CAMTA1: variants seen among roughly 807,000 people sequenced by gnomAD.
CAMTA1 encodes calmodulin binding transcription activator 1.
In CAMTA1, 27 loss-of-function variants were observed where a neutral mutation model predicts 170.9. The ratio of observed to expected loss-of-function variants is 0.16; its 90% confidence interval spans 0.12 to 0.22. CAMTA1 has a LOEUF of 0.22. Among genes scored for constraint, CAMTA1 ranks in the 10% least tolerant of loss-of-function variants. CAMTA1 has a pLI of 1.00. For synonymous variants in CAMTA1, 833 were observed against 891.5 expected, an observed-to-expected ratio of 0.93 and a Z score of 1.17; for missense variants, 1,619 against 2,217.2, an observed-to-expected ratio of 0.73 and a Z score of 5.42.
intron 5 of CAMTA1, among the ~76,000 whole-genome samples, chr1:7,417,745 T>C (rs2796488): frequency 0.92 from 139,276 of 152,210 alleles, 63,801 homozygotes; most frequent in East Asian, 0.99. Flanking sequence ...AATGCCTCGC[T>C]GTGCTTCGGC....
At chr1:7,369,612 C>T (rs2086279138) in intron 5 of CAMTA1, among the ~76,000 whole-genome samples, 2 of 152,006 alleles carry the variant, frequency 1.3e-5, no homozygotes, top group Admixed American at 6.6e-5. Flanking sequence ...GGACCACTAG[C>T]GTCTCCCCAC....
intron 1 of CAMTA1, among the ~76,000 whole-genome samples, chr1:6,786,194 G>A (rs1639273506): frequency 1.3e-5 from 2 of 151,950 alleles, no homozygotes; most frequent in Non-Finnish European, 2.9e-5. Flanking sequence ...TCCCCGCCAG[G>A]GGGACCCCGT....
chr1:7,742,625 G>GT (rs1232330086), intron 16 of CAMTA1, among the ~76,000 whole-genome samples: 2 of 152,146 alleles, frequency 1.3e-5, no homozygotes, highest in Non-Finnish European at 2.9e-5. Flanking sequence ...TACTGAGAAC[G>GT]TTACTTAAGA....
chr1:6,886,857 G>T (rs550152534), intron 3 of CAMTA1, among the ~76,000 whole-genome samples: 1 of 152,234 alleles, frequency 6.6e-6, no homozygotes, highest in African/African-American at 2.4e-5. Context: ...GTGCATTTTT[G>T]GTCATTTTGG....
chr1:7,415,427 A>G (rs1276389389), intron 5 of CAMTA1, among the ~76,000 whole-genome samples: 1 of 151,628 alleles, frequency 6.6e-6, no homozygotes. Flanking sequence ...GACTTGCTTT[A>G]TGAATCTGGG....
At chr1:7,654,505 C>T (rs1482465425) in intron 7 of CAMTA1, among the ~76,000 whole-genome samples, 4 of 151,568 alleles carry the variant, frequency 2.6e-5, no homozygotes, top group South Asian at 4.2e-4. Context: ...CACACCTATA[C>T]ACACATACAC....
At chr1:7,017,454 T>C (rs1700724854) in intron 3 of CAMTA1, among the ~76,000 whole-genome samples, 1 of 152,238 alleles carries the variant, frequency 6.6e-6, no homozygotes, top group Admixed American at 6.5e-5. Flanking sequence ...TAAATATAAA[T>C]GCCTTGCTTG....
chr1:7,191,611 C>T (rs957361184), intron 4 of CAMTA1, among the ~76,000 whole-genome samples: 2 of 152,208 alleles, frequency 1.3e-5, no homozygotes, highest in East Asian at 3.9e-4. Flanking sequence ...TTAACAGAAC[C>T]CTGATTAGTT....
intron 6 of CAMTA1, among the ~76,000 whole-genome samples, chr1:7,551,337 T>A (rs2094799655): frequency 6.6e-6 from 1 of 152,140 alleles, no homozygotes; most frequent in Admixed American, 6.5e-5. Flanking sequence ...TGCACATGTA[T>A]GTATCTGTGC....
rs141758030 is a variant in CAMTA1, at chr1:6,910,161, C to T, written c.234+84951C>T. Among the ~76,000 whole-genome samples, 22 of 152,316 alleles carry T rather than the reference C, an allele frequency of 1.4e-4. 1 individual carries two copies. In the East Asian group the frequency reaches 4.2e-3, roughly 29 times the overall value. ...GTTGACATGCTAAGGCACTAGTACC[C>T]GTTATAGGGCCCAGGTGGCTGCCCA... is the stretch of plus-strand genomic sequence containing the variant. On this transcript the variant is annotated intron_variant, in intron 3 of 22. Coordinates refer to ENST00000303635, the MANE Select transcript of CAMTA1 (RefSeq NM_015215.4).
chr1:7,157,382 A>G (rs1646957935), intron 4 of CAMTA1, among the ~76,000 whole-genome samples: 1 of 91,094 alleles, frequency 1.1e-5, no homozygotes, highest in African/African-American at 4.4e-5. Flanking sequence ...AAGAAACAAA[A>G]AACAAAAAAA....
chr1:6,988,382 T>C (rs954761161), intron 3 of CAMTA1, among the ~76,000 whole-genome samples: 3 of 152,198 alleles, frequency 2.0e-5, no homozygotes, highest in Non-Finnish European at 4.4e-5. Flanking sequence ...TCAGGCACTA[T>C]TGAAACGAGC....
rs75029159 is a variant in CAMTA1, at chr1:7,426,610, T to G, written c.439-41220T>G. On this transcript the variant is annotated intron_variant, in intron 5 of 22. Transcript: ENST00000303635. The surrounding 1 kb of genome is among the most constrained non-coding windows in gnomAD (Gnocchi z 4.8). Reference sequence around the variant, plus strand: ...TTGGCAAATCCATAATTAATCAGCCTGGCTCAGAGCTTCTGTGATTGGGGG... The same window carrying G: ...TTGGCAAATCCATAATTAATCAGCCGGGCTCAGAGCTTCTGTGATTGGGGG... Among the ~76,000 whole-genome samples the G allele has an allele frequency of 1.2e-3, 177 of 152,232 alleles. 4 individuals carry two copies. The East Asian group carries it at 0.031, about 27-fold the overall frequency.
chr1:7,500,670 C>T (rs973930667), intron 6 of CAMTA1, among the ~76,000 whole-genome samples: 4 of 152,160 alleles, frequency 2.6e-5, no homozygotes, highest in Non-Finnish European at 5.9e-5. Context: ...TGCCTGTGGT[C>T]GCCCAGCTTC....
At position 7,007,009 on chromosome 1, in the gene CAMTA1, A is replaced by G. The variant is rs1699095993; in HGVS notation, c.235-84295A>G. On this transcript the variant is annotated intron_variant, in intron 3 of 22. Coordinates refer to ENST00000303635, the MANE Select transcript of CAMTA1 (RefSeq NM_015215.4). This position sits in a 1 kb window ranked among gnomAD's most constrained non-coding sequence, Gnocchi z 4.5. ...ACAAGAATGTCAGATGGTAGTAAAA[A>G]AAAAAAAAAAAAATAAGAATTTTTG... is the stretch of plus-strand genomic sequence containing the variant. 6.6e-6 allele frequency among the ~76,000 whole-genome samples: 1 copy of G among 151,916 alleles called. No individual in the cohort carries two copies. The highest frequency in any genetic ancestry group is 1.5e-5 in the Non-Finnish European group (1 of 67,984).
chr1:7,548,714 G>GTGT lies in CAMTA1; in HGVS notation c.510+80813_510+80814insTGT, dbSNP rs1323770460. On this transcript the variant is annotated intron_variant, in intron 6 of 22. Coordinates refer to ENST00000303635, the MANE Select transcript of CAMTA1 (RefSeq NM_015215.4). ...CCCCTTAGGGGTGGAGGTGCCCATG[G>GTGT]AGGGTGCCTCCTTAGGGGTGGAGGT... Among the ~76,000 whole-genome samples the GTGT allele has an allele frequency of 3.5e-3, 305 of 87,232 alleles. 1 individual carries two copies. The highest frequency in any genetic ancestry group is 6.6e-3 in the East Asian group (13 of 1,984). The allele number at this position is 87,232 out of a possible 152,430, so 57.2% of individuals were successfully genotyped here.
intron 4 of CAMTA1, among the ~76,000 whole-genome samples, chr1:7,139,546 T>G (rs1645773952): frequency 6.6e-6 from 1 of 151,982 alleles, no homozygotes; most frequent in Non-Finnish European, 1.5e-5. Flanking sequence ...GTCTGGATTC[T>G]CAGAGCCTCT....
chr1:7,352,710 T>G (rs1227241207), intron 5 of CAMTA1, among the ~76,000 whole-genome samples: 2 of 152,236 alleles, frequency 1.3e-5, no homozygotes, highest in Admixed American at 6.5e-5. Context: ...AGAGGGCCTC[T>G]GGTTGCTGGG....
At chr1:6,885,470 G>A (rs10399866) in intron 3 of CAMTA1, among the ~76,000 whole-genome samples, 28,194 of 152,078 alleles carry the variant, frequency 0.19, 2,665 homozygotes, top group East Asian at 0.28. Flanking sequence ...TAAACTTGCA[G>A]TTCATTCATT....
Sources: gnomAD v4.1 joint callset for allele counts (sites outside exome capture counted in the v4.1 genomes callset) on GRCh38, gnomAD v4.1.1 for gene constraint, Gnocchi (gnomAD v3.1) non-coding constraint, MANE v1.5 for transcripts, NCBI Gene and HGNC (gene_info 2026-07-23, HGNC 2026-07-21) for gene names.